Variants in NOTCH4 observed in about 807,000 individuals in gnomAD.
The protein encoded by NOTCH4 is notch receptor 4.
A neutral mutation model predicts 189.0 loss-of-function variants in NOTCH4; 138 were observed. The ratio of observed to expected loss-of-function variants is 0.73; its 90% CI spans 0.64 to 0.84. NOTCH4 has a LOEUF of 0.84. Ranked by LOEUF, NOTCH4 falls within the 40% of genes least tolerant of loss-of-function variation. NOTCH4 has a pLI of 0.00. For synonymous variants in NOTCH4, 942 were observed against 1,032.8 expected, an observed-to-expected ratio of 0.91 and a Z score of 1.69; for missense variants, 2,286 against 2,605.4, an observed-to-expected ratio of 0.88 and a Z score of 2.67.
At chr6:32,215,526 T>C (rs1386928688) in intron 11 of NOTCH4, 141 bp from the exon 12 acceptor site, 2 of 742,516 alleles carry the variant, frequency 2.7e-6, no homozygotes, top group Admixed American at 3.1e-5. Context: ...TGTCCTTCAA[T>C]GGGTCCCTAT....
At position 32,195,728 on chromosome 6, in the gene NOTCH4, T is replaced by G. The variant is rs1010881224; in HGVS notation, c.5721A>C (p.Gly1907=). 1.2e-5 allele frequency: 19 copies of G among 1,612,672 alleles called. No homozygotes were observed. Among genetic ancestry groups the G allele is most frequent in the Non-Finnish European group, 1.5e-5 (18 of 1,179,892 alleles). The change falls in exon 30 of 30, where the codon GGA becomes GGC. Residue 1907 remains glycine, a synonymous_variant. Coordinates refer to ENST00000375023, the MANE Select transcript of NOTCH4 (RefSeq NM_004557.4). The surrounding 1 kb of genome is among the most constrained non-coding windows in gnomAD (Gnocchi z 5.4). The part of the protein sequence containing the change: ...CRSLSGVGAG[G]GPTPRGRRFS... ...ACCTACGGCCGCGAGGGGTCGGGCCTCCTCCTGCTCCTACTCCCGAGAGGC... is the reference window on the plus strand; with the variant it reads ...ACCTACGGCCGCGAGGGGTCGGGCCGCCTCCTGCTCCTACTCCCGAGAGGC...
chr6:32,205,741 G>C (rs1212399148), intron 18 of NOTCH4, among the ~76,000 whole-genome samples: 1 of 150,638 alleles, frequency 6.6e-6, no homozygotes, highest in Non-Finnish European at 1.5e-5. Flanking sequence ...AAAAGTTGTG[G>C]TTCTGGCCGG....
intron 12 of NOTCH4, among the ~76,000 whole-genome samples, chr6:32,214,625 C>G (rs1046324055): frequency 7.9e-6 from 1 of 126,208 alleles, no homozygotes; most frequent in Non-Finnish European, 1.7e-5. Flanking sequence ...AGTAGGTGCT[C>G]AGCAGATTTT....
Position 32,220,299 on chromosome 6 carries a change from G to A in NOTCH4, c.1160-15C>T, listed in dbSNP as rs377685491. On this transcript the variant is annotated splice_polypyrimidine_tract_variant and intron_variant, in intron 6 of 29. Transcript: ENST00000375023. Reference sequence around the variant, plus strand: ...GCACAGGAGTCCTGGAGGGGTAAGAGGGGGTGAGGCTCTCAAAGGCCACTT... The same window carrying A: ...GCACAGGAGTCCTGGAGGGGTAAGAAGGGGTGAGGCTCTCAAAGGCCACTT... The A allele has an allele frequency of 8.7e-6, 14 of 1,610,624 alleles. No individual in the cohort carries two copies. Among genetic ancestry groups the A allele is most frequent in the Non-Finnish European group, 1.2e-5 (14 of 1,177,656 alleles).
At position 32,194,952 on chromosome 6, in the gene NOTCH4, G is replaced by C; in HGVS notation, c.*485C>G. On this transcript the variant is annotated 3_prime_UTR_variant, in exon 30 of 30. Transcript: ENST00000375023. The surrounding 1 kb of genome is among the most constrained non-coding windows in gnomAD (Gnocchi z 4.5). ...CCCACAGTGGAGTTCTTTGTTGTGA[G>C]GGGAGGGAATGCAAGGAGTCATCAG... is the stretch of plus-strand genomic sequence containing the variant. The C allele has an allele frequency of 4.2e-6, 1 of 236,984 alleles. No homozygotes were observed. The highest frequency in any genetic ancestry group is 8.3e-6 in the Non-Finnish European group (1 of 120,636). The allele number at this position is 236,984 out of a possible 1,614,324, so 14.7% of individuals were successfully genotyped here.
At chr6:32,214,027 A>T in intron 13 of NOTCH4, 83 bp downstream of exon 13, 1 of 1,504,638 alleles carries the variant, frequency 6.6e-7, no homozygotes. Flanking sequence ...GGTGACTGAG[A>T]CTCAGGGCCC....
chr6:32,197,389 A>C lies in NOTCH4; in HGVS notation c.4962T>G (p.Leu1654=). 1 of 1,540,306 alleles carries C rather than the reference A, an allele frequency of 6.5e-7. No individual in the cohort carries two copies. The highest frequency in any genetic ancestry group is 8.7e-7 in the Non-Finnish European group (1 of 1,143,482). The change falls in exon 27 of 30, where the codon CTT becomes CTG. Residue 1654 remains leucine (L), a synonymous_variant. Coordinates refer to ENST00000375023, the MANE Select transcript of NOTCH4 (RefSeq NM_004557.4). ...FSRPTAARRL[L]EAGANPNQPD... ...GCTGGTTGGGGTTGGCTCCAGCCTC[A>C]AGGAGGCGGCGGGCAGCGGTTGGCC...
Position 32,195,625 on chromosome 6 carries a change from C to T in NOTCH4, c.5824G>A (p.Gly1942Ser), listed in dbSNP as rs775372989. Residue 1942 changes from glycine to serine, a missense_variant, in exon 30 of 30, where the codon GGC (glycine) becomes AGC (serine). This residue lies in a region of NOTCH4 where 383 missense variants were observed against 343.5 expected (regional missense o/e 1.11). Transcript: ENST00000375023. This position sits in a 1 kb window ranked among gnomAD's most constrained non-coding sequence, Gnocchi z 5.4. ...GGCCAGTCATCCGTTGAGACCCTGC[C>T]TCCGCGCCCGGCAGCCACTCCGTAT... ...GRYGVAAGRG[G>S]RVSTDDWPCD... 1.2e-6 allele frequency: 2 copies of T among 1,613,012 alleles called. No individual in the cohort carries two copies. Among genetic ancestry groups the T allele is most frequent in the East Asian group, 2.2e-5 (1 of 44,888 alleles).
chr6:32,202,100 TCGTAGC>T lies in NOTCH4; in HGVS notation c.3725_3730del (p.Gly1242_Tyr1243del), dbSNP rs756726061. The T allele has an allele frequency of 6.7e-7, 1 of 1,489,062 alleles. No homozygotes were observed. Among genetic ancestry groups the T allele is most frequent in the South Asian group, 1.4e-5 (1 of 70,204 alleles). The allele number at this position is 1,489,062 out of a possible 1,614,324, so 92.2% of individuals were successfully genotyped here. A position where few individuals can be genotyped will look rare whatever the true frequency, so the allele number is the denominator to read the frequency against. ...CGTGCAGGCTGGAGGGGTCTCACAG[TCGTAGC>T]CATCAAACAGACACTCTTCAGAGTC... On this transcript the variant is annotated inframe_deletion, in exon 21 of 30. Coordinates refer to ENST00000375023, the MANE Select transcript of NOTCH4 (RefSeq NM_004557.4). This position sits in a 1 kb window ranked among gnomAD's most constrained non-coding sequence, Gnocchi z 5.7.
chr6:32,222,956 C>G, intron 2 of NOTCH4, 49 bp downstream of exon 2: 3 of 1,566,962 alleles, frequency 1.9e-6, no homozygotes, highest in African/African-American at 1.4e-5. Flanking sequence ...CCCCCCTGCT[C>G]TCCCTCCCCC....
intron 18 of NOTCH4, among the ~76,000 whole-genome samples, chr6:32,205,262 G>T (rs1306177665): frequency 6.6e-6 from 1 of 152,008 alleles, no homozygotes; most frequent in African/African-American, 2.4e-5. Flanking sequence ...AAAAGAAGAA[G>T]TAAATAGCCG....
chr6:32,214,086 T>C, intron 13 of NOTCH4, 24 bp downstream of exon 13: 1 of 1,596,608 alleles, frequency 6.3e-7, no homozygotes, highest in Non-Finnish European at 8.5e-7. Flanking sequence ...GCACAGGGTG[T>C]ATATGGTTTA....
At chr6:32,223,456 T>C (rs1789926693) in intron 1 of NOTCH4, among the ~76,000 whole-genome samples, 1 of 151,520 alleles carries the variant, frequency 6.6e-6, no homozygotes, top group African/African-American at 2.4e-5. Context: ...ATCCGGGGGG[T>C]GGGGACAGCT....
In NOTCH4 at chr6:32,210,439, G is replaced by A. The variant is rs1488841310; in HGVS notation, c.2865+313C>T. 6.6e-6 allele frequency among the ~76,000 whole-genome samples: 1 copy of A among 152,122 alleles called. No individual in the cohort carries two copies. The highest frequency in any genetic ancestry group is 6.5e-5 in the Admixed American group (1 of 15,280). The stretch of plus-strand genomic sequence containing the variant: ...ATTTTCAGTAGAGTACCCTGGCCAC[G>A]GGGTAAAGGCTGAACCTATAGAAGG... On this transcript the variant is annotated intron_variant, in intron 18 of 29. Transcript: ENST00000375023. This position sits in a 1 kb window ranked among gnomAD's most constrained non-coding sequence, Gnocchi z 4.8.
chr6:32,211,192 G>A (rs1338209175), intron 17 of NOTCH4, among the ~76,000 whole-genome samples: 3 of 151,928 alleles, frequency 2.0e-5, no homozygotes, highest in Admixed American at 6.6e-5. Flanking sequence ...CCTGGGCAGC[G>A]CAGGTTGTAG....
At chr6:32,218,160 G>A (rs1271190126) in intron 8 of NOTCH4, 52 bp from the exon 9 acceptor site, 1 of 1,218,316 alleles carries the variant, frequency 8.2e-7, no homozygotes, top group Non-Finnish European at 1.2e-6. Context: ...CTGCCTGGGA[G>A]ACCTGTGTTC....
Position 32,206,936 on chromosome 6 carries a change from CT to C in NOTCH4, c.2866-2548del, listed in dbSNP as rs70990300. Among the ~76,000 whole-genome samples, 298 of 143,182 alleles carry C rather than the reference CT, an allele frequency of 2.1e-3. 1 individual carries two copies. The highest frequency in any genetic ancestry group is 7.1e-3 in the South Asian group (32 of 4,502). The allele number at this position is 143,182 out of a possible 152,430, so 93.9% of individuals were successfully genotyped here. Reference sequence around the variant, plus strand: ...CTTACTTTCTTTTTTCTTTTCTTTCCTTTTTTTTTTTTTGAGATGGAGTCTT... The same window carrying C: ...CTTACTTTCTTTTTTCTTTTCTTTCCTTTTTTTTTTTTGAGATGGAGTCTT... On this transcript the variant is annotated intron_variant, in intron 18 of 29. Coordinates refer to ENST00000375023, the MANE Select transcript of NOTCH4 (RefSeq NM_004557.4).
rs1283729464 is a variant in NOTCH4 at position 32,221,273 on chromosome 6, T to A, written c.504A>T (p.Gly168=). The A allele has an allele frequency of 1.2e-6, 2 of 1,612,974 alleles. No homozygotes were observed. Among genetic ancestry groups the A allele is most frequent in the Admixed American group, 1.7e-5 (1 of 60,018 alleles). The change falls in exon 4 of 30, where the codon GGA becomes GGT. Residue 168 remains glycine (G), a synonymous_variant. Transcript: ENST00000375023. This position sits in a 1 kb window ranked among gnomAD's most constrained non-coding sequence, Gnocchi z 4.3. ...GGGGGTATGTGGCCAGACACACCCC[T>A]CCATTAACACATGGGTTGGCTGAAC... is the stretch of plus-strand genomic sequence containing the variant. The part of the protein sequence containing the change: ...DFCSANPCVN[G]GVCLATYPQI...
In NOTCH4 at chr6:32,212,609, C is replaced by A. The variant is rs1277763178; in HGVS notation, c.2545G>T (p.Ala849Ser). 2 of 1,611,500 alleles carry A rather than the reference C, an allele frequency of 1.2e-6. No homozygotes were observed. Among genetic ancestry groups the A allele is most frequent in the Admixed American group, 3.3e-5 (2 of 59,864 alleles). ...GAATTGCGTGGGCAGGGCTTCTGGG[C>A]ACATAAGTCCATCAGAGTCTGAGGG... ...GSCQTLMDLCAQKPCPRNSHC... is the reference protein window; with the variant it reads ...GSCQTLMDLCSQKPCPRNSHC... Residue 849 changes from alanine to serine, a missense_variant, in exon 17 of 30, where the codon GCC (alanine) becomes TCC (serine). By Grantham distance (99) the Ala-to-Ser change is moderately conservative. Transcript: ENST00000375023. The surrounding 1 kb of genome is among the most constrained non-coding windows in gnomAD (Gnocchi z 4.4).
Sources: gnomAD v4.1 joint callset for allele counts (sites outside exome capture counted in the v4.1 genomes callset) on GRCh38, gnomAD v4.1.1 for gene constraint, gnomAD v4.1.1 regional missense constraint, Gnocchi (gnomAD v3.1) non-coding constraint, MANE v1.5 for transcripts, NCBI Gene and HGNC (gene_info 2026-07-23, HGNC 2026-07-21) for gene names.